Variants in VOPP1 observed in about 807,000 individuals in gnomAD.
The protein encoded by VOPP1 is WW domain binding protein VOPP1.
Under a neutral mutation model 23.5 loss-of-function variants are expected in VOPP1, and 8 were observed. The observed-to-expected ratio is 0.34, with a 90% CI of 0.20 to 0.61. The LOEUF is 0.61. Ranked by LOEUF, VOPP1 falls within the 20% of genes least tolerant of loss-of-function variation. VOPP1 has a pLI of 0.78. For missense variants in VOPP1, 174 were observed against 238.1 expected (o/e 0.73, Z 1.77); for synonymous variants, 83 against 97.3 (o/e 0.85, Z 0.86).
In VOPP1 at chr7:55,463,858, G is replaced by T. The variant is rs114050915; in HGVS notation, n.418-27684C>A. The stretch of plus-strand genomic sequence containing the variant: ...TGCACATAGATGCAGGCTACAGCAG[G>T]CAGGGCTGGTCAATCCCCAGATGCC... On this transcript the variant is annotated intron_variant and non_coding_transcript_variant, in intron 4 of 4. Transcript: ENST00000462326. Among the ~76,000 whole-genome samples, 480 of 152,326 alleles carry T rather than the reference G, an allele frequency of 3.2e-3. 4 individuals are homozygous for T. The highest frequency in any genetic ancestry group is 0.01 in the African/African-American group (434 of 41,560).
At chr7:55,533,908 T>C (rs958444739) in intron 1 of VOPP1, among the ~76,000 whole-genome samples, 1 of 151,904 alleles carries the variant, frequency 6.6e-6, no homozygotes, top group African/African-American at 2.4e-5. Flanking sequence ...GGTAGATGAG[T>C]GAAAACACCC....
At chr7:55,529,612 C>A (rs943662881) in intron 1 of VOPP1, among the ~76,000 whole-genome samples, 2 of 152,142 alleles carry the variant, frequency 1.3e-5, no homozygotes, top group Non-Finnish European at 2.9e-5. Flanking sequence ...TATAAAATCA[C>A]CCATTTTCAA....
At chr7:55,526,536 G>A (rs1253011881) in intron 1 of VOPP1, among the ~76,000 whole-genome samples, 1 of 152,182 alleles carries the variant, frequency 6.6e-6, no homozygotes, top group African/African-American at 2.4e-5. Flanking sequence ...AGGCACAGCT[G>A]ACTTGGCAGG....
chr7:55,461,063 A>T (rs1020573928), intron 4 of VOPP1, among the ~76,000 whole-genome samples: 1 of 152,124 alleles, frequency 6.6e-6, no homozygotes, highest in African/African-American at 2.4e-5. Context: ...CATAAAAAGG[A>T]ATGAACTAAT....
chr7:55,565,259 C>T (rs1407414806), intron 1 of VOPP1, among the ~76,000 whole-genome samples: 1 of 152,148 alleles, frequency 6.6e-6, no homozygotes, highest in Non-Finnish European at 1.5e-5. Flanking sequence ...TTTAGACACC[C>T]TCCTCCCGCA....
chr7:55,478,157 C>T (rs1189965954), intron 4 of VOPP1, among the ~76,000 whole-genome samples: 1 of 152,220 alleles, frequency 6.6e-6, no homozygotes, highest in South Asian at 2.1e-4. Context: ...AGAAGACCAG[C>T]ACGGTCTGGA....
intron 4 of VOPP1, among the ~76,000 whole-genome samples, chr7:55,456,923 A>G (rs940282535): frequency 6.6e-6 from 1 of 152,208 alleles, no homozygotes; most frequent in Non-Finnish European, 1.5e-5. Context: ...CGTTCTGCAC[A>G]TGTACCCCAG....
intron 1 of VOPP1, among the ~76,000 whole-genome samples, chr7:55,547,762 T>C (rs74849061): frequency 0.011 from 1,666 of 152,294 alleles, 11 homozygotes; most frequent in Middle Eastern, 0.02. Flanking sequence ...CAGCTAGACC[T>C]GAGTGGTGCC....
chr7:55,441,080 G>A (rs749638384), intron 4 of VOPP1, among the ~76,000 whole-genome samples: 7 of 152,208 alleles, frequency 4.6e-5, no homozygotes, highest in Non-Finnish European at 8.8e-5. Flanking sequence ...AAATGGAAAA[G>A]TTCACAAATT....
intron 1 of VOPP1, chr7:55,537,415 GC>G: frequency 6.6e-7 from 1 of 1,512,980 alleles, no homozygotes; most frequent in Non-Finnish European, 8.9e-7. Flanking sequence ...ACACATAACT[GC>G]CCACCATGCT....
intron 4 of VOPP1, among the ~76,000 whole-genome samples, chr7:55,441,949 T>C (rs1374686205): frequency 2.6e-5 from 4 of 152,218 alleles, no homozygotes; most frequent in Non-Finnish European, 5.9e-5. Flanking sequence ...TCAAGGGATA[T>C]AGCAACAGGG....
intron 1 of VOPP1, among the ~76,000 whole-genome samples, chr7:55,570,732 A>C (rs972088997): frequency 6.6e-6 from 1 of 152,154 alleles, no homozygotes; most frequent in African/African-American, 2.4e-5. Context: ...ACCTGAGGTC[A>C]GGAGTTCGAG....
At chr7:55,476,093 C>A (rs1792224880) in intron 4 of VOPP1, among the ~76,000 whole-genome samples, 2 of 152,182 alleles carry the variant, frequency 1.3e-5, no homozygotes, top group South Asian at 4.1e-4. Context: ...GCATCACGGG[C>A]CCGTGTGGAG....
intron 4 of VOPP1, among the ~76,000 whole-genome samples, chr7:55,479,252 C>A (rs1439689467): frequency 6.6e-6 from 1 of 151,686 alleles, no homozygotes; most frequent in Non-Finnish European, 1.5e-5. Flanking sequence ...TGTGCTGCAC[C>A]CATTAACTCG....
intron 1 of VOPP1, chr7:55,521,520 T>G: frequency 3.9e-6 from 4 of 1,018,646 alleles, no homozygotes; most frequent in Non-Finnish European, 4.7e-6. Flanking sequence ...ACATCTCCAA[T>G]AGATTTAGCA....
rs200214477 is a variant in VOPP1, at chr7:55,454,477, C to A, written n.418-18303G>T. ...AGCCAGCATCATCCTGATACCAAAACCTGGCAGAGACACAACAAAAAAAGA... is the reference window on the plus strand; with the variant it reads ...AGCCAGCATCATCCTGATACCAAAAACTGGCAGAGACACAACAAAAAAAGA... On this transcript the variant is annotated intron_variant and non_coding_transcript_variant, in intron 4 of 4. Transcript: ENST00000462326. Among the ~76,000 whole-genome samples, 24 of 152,236 alleles carry A rather than the reference C, an allele frequency of 1.6e-4. No homozygotes were observed. The East Asian group carries it at 4.2e-3, about 27-fold the overall frequency.
intron 3 of VOPP1, among the ~76,000 whole-genome samples, chr7:55,495,769 T>C (rs1021788930): frequency 6.6e-6 from 1 of 152,180 alleles, no homozygotes; most frequent in African/African-American, 2.4e-5. Flanking sequence ...CAGGTGCCCT[T>C]TGTATTTCGG....
At chr7:55,563,810 C>G (rs890056423) in intron 1 of VOPP1, among the ~76,000 whole-genome samples, 1 of 152,132 alleles carries the variant, frequency 6.6e-6, no homozygotes, top group African/African-American at 2.4e-5. Context: ...TTTTGATTTT[C>G]AGATTAGGGT....
chr7:55,537,542 G>A (rs963469563), intron 1 of VOPP1: 370 of 1,535,918 alleles, frequency 2.4e-4, no homozygotes, highest in Non-Finnish European at 3.1e-4. Flanking sequence ...TTAGGCGCAA[G>A]GATGCAGGCA....
Sources: allele counts gnomAD v4.1 joint callset (sites outside exome capture counted in the v4.1 genomes callset), GRCh38; gene constraint gnomAD v4.1.1; transcripts MANE v1.5; gene names NCBI Gene and HGNC (gene_info 2026-07-23, HGNC 2026-07-21).